VAV1: variants seen among roughly 807,000 people sequenced by gnomAD.
VAV1 encodes the protein proto-oncogene vav.
A neutral mutation model predicts 128.1 loss-of-function variants in VAV1; 33 were observed. That is an observed-to-expected ratio of 0.26 (90% CI 0.20 to 0.34). The LOEUF is 0.34. Among genes scored for constraint, VAV1 ranks in the 10% least tolerant of loss-of-function variants. The pLI is 1.00. For synonymous variants in VAV1, 394 were observed against 409.8 expected, an observed-to-expected ratio of 0.96 and a Z score of 0.47; for missense variants, 715 against 1,093.7, an observed-to-expected ratio of 0.65 and a Z score of 4.88.
At chr19:6,847,811 C>T (rs1301362346) in intron 22 of VAV1, among the ~76,000 whole-genome samples, 187 bp from the exon 23 acceptor site, 1 of 152,234 alleles carries the variant, frequency 6.6e-6, no homozygotes, top group East Asian at 1.9e-4. Flanking sequence ...TGGAAGCCCG[C>T]TCCCCATGTC....
chr19:6,804,213 G>C (rs1161204661), intron 1 of VAV1, among the ~76,000 whole-genome samples: 1 of 151,264 alleles, frequency 6.6e-6, no homozygotes, highest in Non-Finnish European at 1.5e-5. Flanking sequence ...AAGCCCCAAA[G>C]TGGGGCTTAG....
At chr19:6,834,058 C>A in intron 19 of VAV1, 105 bp downstream of exon 19, 4 of 1,517,568 alleles carry the variant, frequency 2.6e-6, no homozygotes, top group Non-Finnish European at 3.6e-6. Flanking sequence ...CACATTGGGC[C>A]GGGTGCAATA....
At chr19:6,833,863 C>T (rs969561542) in intron 18 of VAV1, 45 bp from the exon 19 acceptor site, 2 of 1,613,976 alleles carry the variant, frequency 1.2e-6, no homozygotes, top group African/African-American at 2.7e-5. Context: ...TACAAGCCCC[C>T]AGGCTGGGCA....
chr19:6,776,162 ATCCATC>A (rs1970620997), intron 1 of VAV1, among the ~76,000 whole-genome samples: 1 of 2,038 alleles, frequency 4.9e-4, no homozygotes, highest in African/African-American at 9.2e-4. Context: ...CTATCCACCC[ATCCATC>A]CATCCATCCA....
intron 1 of VAV1, among the ~76,000 whole-genome samples, chr19:6,793,252 C>T (rs374813140): frequency 5.3e-5 from 8 of 151,780 alleles, no homozygotes; most frequent in African/African-American, 1.2e-4. Context: ...GAGAATGGTG[C>T]GAACCTGGGA....
At chr19:6,811,413 A>G (rs751389377) in intron 1 of VAV1, among the ~76,000 whole-genome samples, 7 of 152,124 alleles carry the variant, frequency 4.6e-5, no homozygotes, top group Non-Finnish European at 7.4e-5. Flanking sequence ...AGGTGACTCA[A>G]CCCTGGGTCC....
At chr19:6,774,235 C>G (rs572508160) in intron 1 of VAV1, among the ~76,000 whole-genome samples, 1 of 152,048 alleles carries the variant, frequency 6.6e-6, no homozygotes, top group Admixed American at 6.5e-5. Context: ...TCACGTCATT[C>G]TCCTGCCTCA....
chr19:6,815,106 T>C (rs1225209248), intron 1 of VAV1, among the ~76,000 whole-genome samples: 2 of 152,108 alleles, frequency 1.3e-5, no homozygotes, highest in African/African-American at 4.8e-5. Flanking sequence ...TTAGTAACGT[T>C]GTTTGAACCA....
rs112133532 is a variant in VAV1, at chr19:6,852,766, G to A, written c.2218-199G>A. Among the ~76,000 whole-genome samples the A allele has an allele frequency of 5.2e-3, 798 of 152,092 alleles. 11 individuals are homozygous for A. The highest frequency in any genetic ancestry group is 0.018 in the African/African-American group (762 of 41,484). On this transcript the variant is annotated intron_variant, in intron 24 of 26. Transcript: ENST00000602142. ...GAAAGAACCTGTTTTAGGCAGTGTG[G>A]TCCCTTCCCCATAAATAGTCCTGGC...
chr19:6,825,130 G>A lies in VAV1; in HGVS notation c.723+9G>A, dbSNP rs202083007. ...TCTTTATCAACATTGAGGTGAGCCG[G>A]CCGATCCCCAGCCCTCTTGGGTCTG... On this transcript the variant is annotated intron_variant, in intron 7 of 26. Coordinates refer to ENST00000602142, the MANE Select transcript of VAV1 (RefSeq NM_005428.4). The A allele has an allele frequency of 3.1e-6, 5 of 1,610,774 alleles. No homozygotes were observed. The East Asian group carries it at 8.9e-5, about 29-fold the overall frequency.
At chr19:6,804,858 G>A (rs985217440) in intron 1 of VAV1, among the ~76,000 whole-genome samples, 1 of 151,690 alleles carries the variant, frequency 6.6e-6, no homozygotes, top group Non-Finnish European at 1.5e-5. Flanking sequence ...CAAGTAGCTG[G>A]GACTACAGGC....
rs1971794203 is a variant in VAV1, at chr19:6,821,842, C to T, written c.432C>T (p.Gly144=). ...ESVGDEDIYS[G]LSDQIDDTVE... The stretch of plus-strand genomic sequence containing the variant: ...TAGGTGATGAAGACATCTACAGTGG[C>T]CTGTCCGACCAGATCGAGTGAGTGC... Residue 144 remains glycine (G), a synonymous_variant, in exon 4 of 27, where the codon GGC becomes GGT. Coordinates refer to ENST00000602142, the MANE Select transcript of VAV1 (RefSeq NM_005428.4). 1.2e-6 allele frequency: 2 copies of T among 1,614,186 alleles called. No individual in the cohort carries two copies. The highest frequency in any genetic ancestry group is 8.5e-7 in the Non-Finnish European group (1 of 1,180,022).
intron 21 of VAV1, among the ~76,000 whole-genome samples, chr19:6,842,748 C>A (rs559838721): frequency 5.9e-5 from 9 of 151,986 alleles, no homozygotes; most frequent in Non-Finnish European, 1.2e-4. Flanking sequence ...GTGAGAGGAT[C>A]GCTTGAACCT....
At position 6,821,871 on chromosome 19, in the gene VAV1, G is replaced by T. The variant is rs373535976; in HGVS notation, c.449+12G>T. ...TCCGACCAGATCGAGTGAGTGCTCA[G>T]GCCTGTGGCCGCACAGCTCACTGGA... On this transcript the variant is annotated intron_variant, in intron 4 of 26. Transcript: ENST00000602142. The T allele has an allele frequency of 6.2e-7, 1 of 1,614,102 alleles. No individual in the cohort carries two copies. Among genetic ancestry groups the T allele is most frequent in the Non-Finnish European group, 8.5e-7 (1 of 1,179,960 alleles).
chr19:6,793,486 T>TTGGGCGGCGGCAA (rs1005394931), intron 1 of VAV1, among the ~76,000 whole-genome samples: 4 of 152,024 alleles, frequency 2.6e-5, no homozygotes, highest in African/African-American at 9.7e-5. Flanking sequence ...AAACATGGTC[T>TTGGGCGGCGGCAA]TGGGCGGCGG....
At chr19:6,811,186 C>G (rs188374159) in intron 1 of VAV1, among the ~76,000 whole-genome samples, 74 of 152,248 alleles carry the variant, frequency 4.9e-4, no homozygotes, top group African/African-American at 1.6e-3. Context: ...CAGGCATGCA[C>G]CACCATGCCC....
chr19:6,800,379 G>A (rs1003003932), intron 1 of VAV1, among the ~76,000 whole-genome samples: 23 of 150,724 alleles, frequency 1.5e-4, no homozygotes, highest in Admixed American at 4.0e-4. Flanking sequence ...GCATGATCTC[G>A]GCTCACTGCA....
At chr19:6,814,732 C>CTTTCTTTCTTTCTTTCTTT (rs1555701472) in intron 1 of VAV1, among the ~76,000 whole-genome samples, 5 of 130,040 alleles carry the variant, frequency 3.8e-5, no homozygotes, top group East Asian at 2.2e-4. Context: ...TTCTTTCTTT[C>CTTTCTTTCTTTCTTTCTTT]CTTTTTCCCT....
In VAV1 at chr19:6,787,020, A is replaced by ATTTTT. The variant is rs56137755; in HGVS notation, c.204+14020_204+14024dup. Among the ~76,000 whole-genome samples the ATTTTT allele has an allele frequency of 9.0e-3, 1,251 of 138,450 alleles. 23 individuals carry two copies. The highest frequency in any genetic ancestry group is 0.027 in the African/African-American group (1,022 of 37,196). The allele number at this position is 138,450 out of a possible 152,430, so 90.8% of individuals were successfully genotyped here. On this transcript the variant is annotated intron_variant, in intron 1 of 26. Transcript: ENST00000602142. ...AGGCCCATTTGTTGACACGCTGTCTATTTTTTTTTTTTTTTGAGATGGAGT... is the reference window on the plus strand; with the variant it reads ...AGGCCCATTTGTTGACACGCTGTCTATTTTTTTTTTTTTTTTTTTTGAGATGGAGT...
Sources: gnomAD v4.1 joint callset for allele counts (sites outside exome capture counted in the v4.1 genomes callset) on GRCh38, gnomAD v4.1.1 for gene constraint, MANE v1.5 for transcripts, NCBI Gene and HGNC (gene_info 2026-07-23, HGNC 2026-07-21) for gene names.